The following HEMK1 variants were observed in gnomAD, a reference collection of about 807,000 sequenced individuals.
HEMK1 encodes MTRF1L release factor glutamine methyltransferase.
In HEMK1, 36 loss-of-function variants were observed where a neutral mutation model predicts 47.9. The ratio of observed to expected loss-of-function variants is 0.75; its 90% confidence interval spans 0.58 to 0.99. The LOEUF (loss-of-function observed/expected upper bound fraction) is 0.99, where lower values mean the gene tolerates loss of function less well. HEMK1 is among the 50% of genes least tolerant of loss of function. The pLI is 0.00. For synonymous variants in HEMK1, 153 were observed against 165.4 expected (o/e 0.93, Z 0.57); for missense variants, 383 against 434.5 (o/e 0.88, Z 1.05).
At position 50,577,156 on chromosome 3, in the gene HEMK1, C is replaced by G. The variant is rs755609815; in HGVS notation, c.519C>G (p.Ile173Met). The G allele has an allele frequency of 1.2e-6, 2 of 1,612,162 alleles. No homozygotes were observed. The highest frequency in any genetic ancestry group is 2.2e-5 in the South Asian group (2 of 90,976). Reference sequence around the variant, plus strand: ...AGGTGGGCTGCGGATCAGGAGCCATCTCCCTCAGCCTGCTGAGCCAGCTCC... The same window carrying G: ...AGGTGGGCTGCGGATCAGGAGCCATGTCCCTCAGCCTGCTGAGCCAGCTCC... ...ILEVGCGSGA[I>M]SLSLLSQLPQ... The change falls in exon 5 of 11, where the codon ATC (isoleucine) becomes ATG (methionine). Residue 173 changes from isoleucine to methionine, a missense_variant. Transcript: ENST00000232854.
In HEMK1 at chr3:50,595,626, C is replaced by T. The variant is rs1342563520; in HGVS notation, c.*15209C>T. ...TTGTAAAGATTATTTAGAACAAGGG[C>T]AACCAGTGCCTCTACTGGCAAGTGT... On this transcript the variant is annotated 3_prime_UTR_variant, in exon 11 of 11. Coordinates refer to ENST00000232854, the MANE Select transcript of HEMK1 (RefSeq NM_016173.5). The T allele has an allele frequency of 3.9e-5, 6 of 152,204 alleles. No individual in the cohort carries two copies. Among genetic ancestry groups the T allele is most frequent in the African/African-American group, 1.4e-4 (6 of 41,440 alleles). 9.4% of individuals were successfully genotyped at this position (152,204 alleles called of 1,614,324 possible).
chr3:50,575,388 A>C (rs1701470817), intron 4 of HEMK1, among the ~76,000 whole-genome samples: 1 of 151,640 alleles, frequency 6.6e-6, no homozygotes, highest in Non-Finnish European at 1.5e-5. Context: ...GCGCCATTGT[A>C]CTCCAGCCTG....
rs2107527024 is a variant in HEMK1 at position 50,585,914 on chromosome 3, GTCAA to G, written c.*5499_*5502del. 1 of 152,318 alleles carries G rather than the reference GTCAA, an allele frequency of 6.6e-6. No individual in the cohort carries two copies. The highest frequency in any genetic ancestry group is 1.9e-4 in the East Asian group (1 of 5,178). 9.4% of individuals were successfully genotyped at this position (152,318 alleles called of 1,614,324 possible). A position where few individuals can be genotyped will look rare whatever the true frequency, so the allele number is the denominator to read the frequency against. ...CAAAGGCCTGGGGTTAGTTAATTAA[GTCAA>G]TTAGGTGGTGCTCATATGGCTGTCC... On this transcript the variant is annotated 3_prime_UTR_variant, in exon 11 of 11. Transcript: ENST00000232854.
At position 50,577,525 on chromosome 3, in the gene HEMK1, T is replaced by C. The variant is rs1184328703; in HGVS notation, c.566T>C (p.Val189Ala). 6.2e-7 allele frequency: 1 copy of C among 1,614,054 alleles called. No homozygotes were observed. The highest frequency in any genetic ancestry group is 8.5e-7 in the Non-Finnish European group (1 of 1,180,024). ...SQLPQSRVIA[V>A]DKREAAISLT... ...TTGGGACAGAGCCGAGTCATTGCTG[T>C]GGATAAGCGGGAAGCTGCTATCTCT... The change falls in exon 6 of 11, where the codon GTG (valine) becomes GCG (alanine). Residue 189 changes from valine to alanine, a missense_variant. Physicochemically the swap from Val to Ala is moderately conservative, Grantham distance 64. Coordinates refer to ENST00000232854, the MANE Select transcript of HEMK1 (RefSeq NM_016173.5).
At chr3:50,573,645 C>G (rs545766040) in intron 4 of HEMK1, among the ~76,000 whole-genome samples, 103 of 152,318 alleles carry the variant, frequency 6.8e-4, no homozygotes, top group African/African-American at 2.4e-3. Context: ...GCTGTGCAGA[C>G]ATTTCTGAGA....
chr3:50,575,201 T>C lies in HEMK1; in HGVS notation c.415-1851T>C, dbSNP rs552695641. Among the ~76,000 whole-genome samples the C allele has an allele frequency of 3.9e-5, 6 of 152,106 alleles. No homozygotes were observed. In the South Asian group the frequency reaches 1.2e-3, roughly 32 times the overall value. On this transcript the variant is annotated intron_variant, in intron 4 of 10. Transcript: ENST00000232854. ...ACTTTGGGAGGCTGAGGCGGGTAGA[T>C]CACCTGAGGTCGGGAGTTCGAGACC... is the stretch of plus-strand genomic sequence containing the variant.
At position 50,578,898 on chromosome 3, in the gene HEMK1, A is replaced by G; in HGVS notation, c.742A>G (p.Met248Val). ...SNPPYVFHQD[M>V]EQLAPEIRSY... ...CCCTCCCTACGTCTTCCACCAGGAC[A>G]TGGAGCAGCTGGCCCCTGAGATCCG... is the stretch of plus-strand genomic sequence containing the variant. The change falls in exon 8 of 11, where the codon ATG becomes GTG. Residue 248 changes from methionine (M) to valine (V), a missense_variant. Met to Val is a conservative substitution (Grantham distance 21). Transcript: ENST00000232854. The G allele has an allele frequency of 2.5e-6, 4 of 1,612,860 alleles. No homozygotes were observed. The highest frequency in any genetic ancestry group is 2.2e-5 in the South Asian group (2 of 90,676).
chr3:50,576,967 C>A, intron 4 of HEMK1, 85 bp from the exon 5 acceptor site: 2 of 1,527,192 alleles, frequency 1.3e-6, no homozygotes, highest in Non-Finnish European at 1.8e-6. Flanking sequence ...CCTACGTTCA[C>A]AAGGGTAACT....
rs201445677 is a variant in HEMK1 at position 50,590,184 on chromosome 3, CA to C, written c.*9778del. ...TGGGCGACAGAGCTAGACTCCATCT[CA>C]AAAAAAAAAATTTAAAAATAATAAT... On this transcript the variant is annotated 3_prime_UTR_variant, in exon 11 of 11. Transcript: ENST00000232854. 9.0e-3 allele frequency: 1,246 copies of C among 139,180 alleles called. 17 individuals are homozygous for C. The highest frequency in any genetic ancestry group is 0.069 in the East Asian group (339 of 4,900). The allele number at this position is 139,180 out of a possible 1,614,324, so 8.6% of individuals were successfully genotyped here.
In HEMK1 at chr3:50,585,295, T is replaced by A. The variant is rs2031261159; in HGVS notation, c.*4878T>A. On this transcript the variant is annotated 3_prime_UTR_variant, in exon 11 of 11. Transcript: ENST00000232854. Reference sequence around the variant, plus strand: ...CCTGTACTCTCTGGGTTGCAGGTACTGCATCTGTGAAATGAGCACAGCAGC... The same window carrying A: ...CCTGTACTCTCTGGGTTGCAGGTACAGCATCTGTGAAATGAGCACAGCAGC... The A allele has an allele frequency of 6.6e-6, 1 of 152,364 alleles. No individual in the cohort carries two copies. Among genetic ancestry groups the A allele is most frequent in the Non-Finnish European group, 1.5e-5 (1 of 68,152 alleles). 9.4% of individuals were successfully genotyped at this position (152,364 alleles called of 1,614,324 possible).
chr3:50,591,676 G>GTGTGTGTGTGTGTA lies in HEMK1; in HGVS notation c.*11272_*11273insATGTGTGTGTGTGT. The GTGTGTGTGTGTGTA allele has an allele frequency of 6.6e-6, 1 of 152,292 alleles. No homozygotes were observed. Among genetic ancestry groups the GTGTGTGTGTGTGTA allele is most frequent in the South Asian group, 2.1e-4 (1 of 4,834 alleles). 9.4% of individuals were successfully genotyped at this position (152,292 alleles called of 1,614,324 possible). On this transcript the variant is annotated 3_prime_UTR_variant, in exon 11 of 11. Coordinates refer to ENST00000232854, the MANE Select transcript of HEMK1 (RefSeq NM_016173.5). The stretch of plus-strand genomic sequence containing the variant: ...TGCATGCATGCACGTGTGTGTGTGT[G>GTGTGTGTGTGTGTA]TGTGTGTGTGTGTGTGTGTGTTTGT...
At position 50,593,543 on chromosome 3, in the gene HEMK1, G is replaced by T. The variant is rs1459579885; in HGVS notation, c.*13126G>T. The T allele has an allele frequency of 6.6e-6, 1 of 152,106 alleles. No homozygotes were observed. Among genetic ancestry groups the T allele is most frequent in the East Asian group, 1.9e-4 (1 of 5,194 alleles). 9.4% of individuals were successfully genotyped at this position (152,106 alleles called of 1,614,324 possible). On this transcript the variant is annotated 3_prime_UTR_variant, in exon 11 of 11. Transcript: ENST00000232854. ...AGTCTCAGATGTTACAGTTTTTCTT[G>T]TTATGTATTATACAGAGAGATGGCC...
rs1416727148 is a variant in HEMK1 at position 50,587,483 on chromosome 3, G to C, written c.*7066G>C. 6.6e-6 allele frequency: 1 copy of C among 152,290 alleles called. No individual in the cohort carries two copies. Among genetic ancestry groups the C allele is most frequent in the Non-Finnish European group, 1.5e-5 (1 of 68,084 alleles). 9.4% of individuals were successfully genotyped at this position (152,290 alleles called of 1,614,324 possible). On this transcript the variant is annotated 3_prime_UTR_variant, in exon 11 of 11. Transcript: ENST00000232854. This position sits in a 1 kb window ranked among gnomAD's most constrained non-coding sequence, Gnocchi z 4.2. ...TGAACCCTCTCGTTATACTGACGAA[G>C]AAACAAACTGGGGCTAAGAAACTTG...
intron 7 of HEMK1, among the ~76,000 whole-genome samples, chr3:50,578,519 G>A (rs1422539754): frequency 6.6e-6 from 1 of 152,230 alleles, no homozygotes; most frequent in East Asian, 1.9e-4. Context: ...GCTCTTTTCT[G>A]CCTAGGCAAT....
At position 50,595,729 on chromosome 3, in the gene HEMK1, C is replaced by CTATT. The variant is rs1345083558; in HGVS notation, c.*15314_*15317dup. 6.6e-6 allele frequency: 1 copy of CTATT among 152,188 alleles called. No individual in the cohort carries two copies. Among genetic ancestry groups the CTATT allele is most frequent in the Non-Finnish European group, 1.5e-5 (1 of 68,038 alleles). 9.4% of individuals were successfully genotyped at this position (152,188 alleles called of 1,614,324 possible). Reference sequence around the variant, plus strand: ...TTCTTGGCATTACTTCCCAAATAATCTATTTGCATTTGGATGCTTGTCTCA... The same window carrying CTATT: ...TTCTTGGCATTACTTCCCAAATAATCTATTTATTTGCATTTGGATGCTTGTCTCA... On this transcript the variant is annotated 3_prime_UTR_variant, in exon 11 of 11. Coordinates refer to ENST00000232854, the MANE Select transcript of HEMK1 (RefSeq NM_016173.5).
intron 5 of HEMK1, 85 bp from the exon 6 acceptor site, chr3:50,577,424 G>T: frequency 3.0e-6 from 4 of 1,345,292 alleles, no homozygotes; most frequent in African/African-American, 1.4e-5. Context: ...CTGGTGGGGG[G>T]TTGGAGGAGG....
At chr3:50,572,527 C>A (rs993550365) in intron 4 of HEMK1, among the ~76,000 whole-genome samples, 38 of 152,346 alleles carry the variant, frequency 2.5e-4, no homozygotes, top group African/African-American at 8.9e-4. Context: ...GCTCACCCAA[C>A]CCACAGGGAA....
rs1219628680 is a variant in HEMK1 at position 50,595,771 on chromosome 3, A to G, written c.*15354A>G. ...CTTGTCTCAGAGTGGTTTCTGCAGG[A>G]AAAAACCCAAGATAGAGAGACAACA... On this transcript the variant is annotated 3_prime_UTR_variant, in exon 11 of 11. Coordinates refer to ENST00000232854, the MANE Select transcript of HEMK1 (RefSeq NM_016173.5). The G allele has an allele frequency of 6.6e-6, 1 of 152,158 alleles. No homozygotes were observed. The allele number at this position is 152,158 out of a possible 1,614,324, so 9.4% of individuals were successfully genotyped here.
At chr3:50,573,922 TGCTGTGAG>T (rs1384982904) in intron 4 of HEMK1, among the ~76,000 whole-genome samples, 2 of 152,228 alleles carry the variant, frequency 1.3e-5, no homozygotes, top group Non-Finnish European at 2.9e-5. Flanking sequence ...TCACCCAGCC[TGCTGTGAG>T]GCTGTACAGG....
Sources: gnomAD v4.1 joint callset for allele counts (sites outside exome capture counted in the v4.1 genomes callset) on GRCh38, gnomAD v4.1.1 for gene constraint, Gnocchi (gnomAD v3.1) non-coding constraint, MANE v1.5 for transcripts, NCBI Gene and HGNC (gene_info 2026-07-23, HGNC 2026-07-21) for gene names.